Variants in WWOX observed in about 807,000 individuals in gnomAD.
The protein encoded by WWOX is WW domain containing oxidoreductase, also known as WW domain-containing oxidoreductase.
A neutral mutation model predicts 46.2 loss-of-function variants in WWOX; 69 were observed. That is an observed-to-expected ratio of 1.49 (90% CI 1.23 to 1.82). The LOEUF (loss-of-function observed/expected upper bound fraction) is 1.82. Among genes scored for constraint, WWOX ranks in the 40% most tolerant of loss-of-function variants. The pLI, the probability that WWOX is intolerant of heterozygous loss-of-function variation, is 0.00. For missense variants in WWOX, 919 were observed against 542.6 expected (o/e 1.69, Z -6.89); for synonymous variants, 359 against 202.6 (o/e 1.77, Z -6.56).
intron 8 of WWOX, among the ~76,000 whole-genome samples, chr16:78,704,446 A>C (rs2048290592): frequency 6.6e-6 from 1 of 152,156 alleles, no homozygotes. Flanking sequence ...TAGTTTCTGT[A>C]AGTAGTGTAT....
intron 8 of WWOX, among the ~76,000 whole-genome samples, chr16:78,468,034 C>G (rs1567590514): frequency 6.6e-6 from 1 of 152,118 alleles, no homozygotes; most frequent in Non-Finnish European, 1.5e-5. Flanking sequence ...TAAGAAAGCT[C>G]AAAATTCTCT....
At chr16:78,891,745 G>T (rs149143199) in intron 8 of WWOX, 1 of 151,812 alleles carries the variant, frequency 6.6e-6, no homozygotes, top group Admixed American at 6.6e-5. Flanking sequence ...CTTGAAAGAT[G>T]ACAAATGATT....
At chr16:79,109,761 G>T (rs566840450) in intron 8 of WWOX, among the ~76,000 whole-genome samples, 68 of 152,180 alleles carry the variant, frequency 4.5e-4, no homozygotes, top group African/African-American at 1.6e-3. Flanking sequence ...TTATCTGAGC[G>T]TTCGCATCAG....
At chr16:78,749,529 G>C (rs933224815) in intron 8 of WWOX, among the ~76,000 whole-genome samples, 33 of 152,026 alleles carry the variant, frequency 2.2e-4, no homozygotes, top group African/African-American at 7.7e-4. Flanking sequence ...TACAATTGTT[G>C]TTTTACCCTA....
In WWOX at chr16:78,478,925, G is replaced by C. The variant is rs73576835; in HGVS notation, c.1056+46173G>C. Reference sequence around the variant, plus strand: ...CATTTCCAGTATTTAATTTGGTTTTGATATTTCCATCATGGCCCCTTTTCT... The same window carrying C: ...CATTTCCAGTATTTAATTTGGTTTTCATATTTCCATCATGGCCCCTTTTCT... On this transcript the variant is annotated intron_variant, in intron 8 of 8. Coordinates refer to ENST00000566780, the MANE Select transcript of WWOX (RefSeq NM_016373.4). Among the ~76,000 whole-genome samples, 639 of 151,906 alleles carry C rather than the reference G, an allele frequency of 4.2e-3. 3 individuals carry two copies. The highest frequency in any genetic ancestry group is 0.015 in the African/African-American group (610 of 41,458).
intron 5 of WWOX, among the ~76,000 whole-genome samples, chr16:78,353,661 A>G (rs1290209657): frequency 6.6e-6 from 1 of 152,262 alleles, no homozygotes; most frequent in Non-Finnish European, 1.5e-5. Context: ...TATTATGAAG[A>G]TTAGAGATGT....
intron 8 of WWOX, among the ~76,000 whole-genome samples, chr16:79,066,172 C>T (rs909633212): frequency 6.6e-6 from 1 of 152,154 alleles, no homozygotes; most frequent in Non-Finnish European, 1.5e-5. Flanking sequence ...GTCCTCTCTT[C>T]CTAAATCACT....
Position 78,346,580 on chromosome 16 carries a change from A to G in WWOX, c.517-40280A>G, listed in dbSNP as rs2081098291. Among the ~76,000 whole-genome samples the G allele has an allele frequency of 1.7e-5, 2 of 120,148 alleles. 1 individual carries two copies. The highest frequency in any genetic ancestry group is 4.0e-5 in the Non-Finnish European group (2 of 50,312). 78.8% of individuals were successfully genotyped at this position (120,148 alleles called of 152,430 possible). ...AATACTTGATATTATTGGTCTTCTA[A>G]ATTTTCTGTTTGGGTACATAGTGGT... On this transcript the variant is annotated intron_variant, in intron 5 of 8. Transcript: ENST00000566780.
chr16:78,186,496 C>A (rs6564512), intron 5 of WWOX, among the ~76,000 whole-genome samples: 96,058 of 152,100 alleles, frequency 0.63, 30,459 homozygotes, highest in African/African-American at 0.69. Flanking sequence ...AGATGCAGTG[C>A]CTCATGCCTG....
chr16:78,337,395 G>A (rs73576467), intron 5 of WWOX, among the ~76,000 whole-genome samples: 1 of 152,128 alleles, frequency 6.6e-6, no homozygotes, highest in Admixed American at 6.5e-5. Flanking sequence ...TGTACCCACT[G>A]ATCCCTGGTC....
chr16:78,675,645 G>C (rs373183342), intron 8 of WWOX, among the ~76,000 whole-genome samples: 6 of 152,022 alleles, frequency 3.9e-5, no homozygotes, highest in Admixed American at 2.6e-4. Context: ...TAGCCCATCT[G>C]TATGTCTTTA....
At chr16:78,658,546 G>A (rs775371246) in intron 8 of WWOX, among the ~76,000 whole-genome samples, 2 of 152,166 alleles carry the variant, frequency 1.3e-5, no homozygotes, top group African/African-American at 2.4e-5. Context: ...TCCTCCCGGG[G>A]CTCTCAGTGA....
intron 8 of WWOX, among the ~76,000 whole-genome samples, chr16:78,767,464 G>A (rs891775220): frequency 8.4e-6 from 1 of 118,854 alleles, no homozygotes; most frequent in African/African-American, 3.3e-5. Context: ...TAATGTTTCT[G>A]TGTGAGTGTG....
intron 8 of WWOX, among the ~76,000 whole-genome samples, chr16:78,941,165 A>G (rs16948956): frequency 0.025 from 3,849 of 152,268 alleles, 160 homozygotes; most frequent in African/African-American, 0.088. Context: ...GAACTGGTGC[A>G]TGAATGAATA....
At position 78,477,283 on chromosome 16, in the gene WWOX, A is replaced by C. The variant is rs770013106; in HGVS notation, c.1056+44531A>C. On this transcript the variant is annotated intron_variant, in intron 8 of 8. Transcript: ENST00000566780. ...TTACCTATTGATTTTTAATATGAAAAGCTCATTATGTAAGCAGTAACCGCA... is the reference window on the plus strand; with the variant it reads ...TTACCTATTGATTTTTAATATGAAACGCTCATTATGTAAGCAGTAACCGCA... 1.2e-4 allele frequency among the ~76,000 whole-genome samples: 18 copies of C among 152,184 alleles called. 1 individual carries two copies. The highest frequency in any genetic ancestry group is 8.5e-4 in the Admixed American group (13 of 15,278).
At chr16:78,985,614 C>T (rs1676302336) in intron 8 of WWOX, among the ~76,000 whole-genome samples, 1 of 152,178 alleles carries the variant, frequency 6.6e-6, no homozygotes. Flanking sequence ...ACTAAAAATA[C>T]AAAAATTAGC....
intron 8 of WWOX, among the ~76,000 whole-genome samples, chr16:78,613,005 C>G (rs1365042561): frequency 6.6e-6 from 1 of 152,158 alleles, no homozygotes; most frequent in Non-Finnish European, 1.5e-5. Flanking sequence ...CTGTCCTTCT[C>G]AGAACACCAC....
At chr16:79,152,884 C>T (rs142350625) in intron 8 of WWOX, among the ~76,000 whole-genome samples, 63 of 152,140 alleles carry the variant, frequency 4.1e-4, no homozygotes, top group African/African-American at 1.5e-3. Context: ...TACCCAGTTG[C>T]ACTGAGGGAA....
At chr16:78,236,317 C>G (rs755415652) in intron 5 of WWOX, among the ~76,000 whole-genome samples, 2 of 152,224 alleles carry the variant, frequency 1.3e-5, no homozygotes, top group Non-Finnish European at 2.9e-5. Context: ...CCTCCTTATA[C>G]ATACTTACAA....
Sources: allele counts gnomAD v4.1 joint callset (sites outside exome capture counted in the v4.1 genomes callset), GRCh38; gene constraint gnomAD v4.1.1; transcripts MANE v1.5; gene names NCBI Gene and HGNC (gene_info 2026-07-23, HGNC 2026-07-21).